The following INF2 variants were observed in gnomAD, a reference collection of about 807,000 sequenced individuals.
The protein encoded by INF2 is inverted formin-2.
A neutral mutation model predicts 123.5 loss-of-function variants in INF2; 43 were observed. The observed-to-expected ratio is 0.35, with a 90% CI of 0.27 to 0.45. The LOEUF (loss-of-function observed/expected upper bound fraction) is 0.45, where lower values mean the gene tolerates loss of function less well. INF2 is among the 20% of genes least tolerant of loss of function. The probability of loss-of-function intolerance (pLI) is 1.00; values close to 1 mark genes in which losing one functional copy is unlikely to be tolerated. For synonymous variants in INF2, 851 were observed against 745.0 expected, an observed-to-expected ratio of 1.14 and a Z score of -2.32; for missense variants, 1,453 against 1,682.7, an observed-to-expected ratio of 0.86 and a Z score of 2.39.
chr14:104,700,415 T>A (rs2140632850), intron 1 of INF2, among the ~76,000 whole-genome samples: 1 of 152,090 alleles, frequency 6.6e-6, no homozygotes. Flanking sequence ...GCCCCCTAGC[T>A]CCCTCCCCGA....
chr14:104,699,139 G>A lies in INF2; in HGVS notation c.-9-2218G>A, dbSNP rs1049220516. On this transcript the variant is annotated intron_variant, in intron 1 of 22. Transcript: ENST00000392634. This position sits in a 1 kb window ranked among gnomAD's most constrained non-coding sequence, Gnocchi z 4.7. ...AGGGACACCCTGGGGCCTGGGGCAC[G>A]GTGGCTCTCGGCGGCACTGCTTGTC... Among the ~76,000 whole-genome samples the A allele has an allele frequency of 5.9e-5, 9 of 152,044 alleles. No individual in the cohort carries two copies. Among genetic ancestry groups the A allele is most frequent in the African/African-American group, 1.7e-4 (7 of 41,386 alleles).
At chr14:104,710,490 C>T (rs1033239010) in intron 13 of INF2, among the ~76,000 whole-genome samples, 11 of 152,088 alleles carry the variant, frequency 7.2e-5, no homozygotes, top group South Asian at 6.2e-4. Context: ...CGTGCACACA[C>T]GCATGCACAC....
At position 104,712,815 on chromosome 14, in the gene INF2, C is replaced by T. The variant is rs1186094882; in HGVS notation, c.2611-13C>T. ...GGGGCTCTCACGGGACTGTCACGTGCCCTTGCCCCCAGGCCAGCATCTCGG... is the reference window on the plus strand; with the variant it reads ...GGGGCTCTCACGGGACTGTCACGTGTCCTTGCCCCCAGGCCAGCATCTCGG... On this transcript the variant is annotated splice_polypyrimidine_tract_variant and intron_variant, in intron 17 of 22. Transcript: ENST00000392634. The T allele has an allele frequency of 1.9e-6, 3 of 1,604,178 alleles. No homozygotes were observed. The South Asian group carries it at 3.3e-5, about 18-fold the overall frequency.
chr14:104,684,177 C>G lies in INF2; in HGVS notation c.-104+2595C>G. 2.2e-6 allele frequency: 1 copy of G among 455,482 alleles called. No homozygotes were observed. The highest frequency in any genetic ancestry group is 4.4e-6 in the Non-Finnish European group (1 of 226,352). The allele number at this position is 455,482 out of a possible 1,614,324, so 28.2% of individuals were successfully genotyped here. A position where few individuals can be genotyped will look rare whatever the true frequency, so the allele number is the denominator to read the frequency against. On this transcript the variant is annotated intron_variant, in intron 1 of 2. Coordinates refer to the INF2 transcript ENST00000674723. The surrounding 1 kb of genome is among the most constrained non-coding windows in gnomAD (Gnocchi z 5.0). ...ACCTGCGTGCCGCCACGGGAAACAG[C>G]ACGCATCCCATCTGGACTCCCACCA...
chr14:104,707,470 G>C lies in INF2; in HGVS notation c.1203G>C (p.Gln401His). ...AAACEPVDHA[Q>H]SESILKVSQP... Reference sequence around the variant, plus strand: ...CCTGCGAGCCCGTGGACCACGCCCAGAGTGAGAGCATCCTGAAAGTTTCGC... The same window carrying C: ...CCTGCGAGCCCGTGGACCACGCCCACAGTGAGAGCATCCTGAAAGTTTCGC... The change falls in exon 8 of 23, where the codon CAG becomes CAC. Residue 401 changes from glutamine (Q) to histidine (H), a missense_variant. By Grantham distance (24) the Gln-to-His change is conservative. Around this residue, in one of 8 missense-constraint regions of INF2, gnomAD observed 374 missense variants for 303.7 expected, o/e 1.23. Transcript: ENST00000392634. The C allele has an allele frequency of 6.4e-7, 1 of 1,553,474 alleles. No homozygotes were observed. The highest frequency in any genetic ancestry group is 1.2e-5 in the South Asian group (1 of 84,348).
rs751949801 is a variant in INF2, at chr14:104,708,521, C to T, written c.1821C>T (p.Ser607=). 1.2e-6 allele frequency: 2 copies of T among 1,612,524 alleles called. No homozygotes were observed. The highest frequency in any genetic ancestry group is 1.1e-5 in the South Asian group (1 of 91,086). ...TCTCCAGCATCGAGCGACTATTCTC[C>T]TTCCCTGCAGCCAAGCCCAAGGAGC... The part of the protein sequence containing the change: ...PDFSSIERLF[S]FPAAKPKEPT... Residue 607 remains serine (S), a synonymous_variant, in exon 9 of 23, where the codon TCC becomes TCT. Transcript: ENST00000392634.
At position 104,699,829 on chromosome 14, in the gene INF2, C is replaced by A. The variant is rs766740763; in HGVS notation, c.-9-1528C>A. On this transcript the variant is annotated intron_variant, in intron 1 of 22. Transcript: ENST00000392634. The surrounding 1 kb of genome is among the most constrained non-coding windows in gnomAD (Gnocchi z 4.7). ...GCAGGATGAGTGACTGGGCCAAGGT[C>A]TGCTGGTGAGGGCCCGGGCTGGGGA... 6.6e-6 allele frequency among the ~76,000 whole-genome samples: 1 copy of A among 152,136 alleles called. No homozygotes were observed. Among genetic ancestry groups the A allele is most frequent in the Non-Finnish European group, 1.5e-5 (1 of 68,008 alleles).
intron 22 of INF2, chr14:104,716,162 G>T: frequency 2.8e-6 from 1 of 355,618 alleles, no homozygotes; most frequent in Non-Finnish European, 5.6e-6. Flanking sequence ...GCGTCTTCCA[G>T]CACCTCCAGC....
At chr14:104,689,199 C>G (rs541109738), upstream of INF2, 10 of 985,374 alleles carry the variant, frequency 1.0e-5, 1 homozygote, top group South Asian at 3.8e-4. Context: ...GCGGGGACTC[C>G]GGATCCGGCT....
rs897894309 is a variant in INF2, at chr14:104,708,524, C to G, written c.1824C>G (p.Phe608Leu). 4 of 1,612,406 alleles carry G rather than the reference C, an allele frequency of 2.5e-6. No homozygotes were observed. The African/African-American group carries it at 5.3e-5, about 22-fold the overall frequency. Residue 608 changes from phenylalanine to leucine, a missense_variant, in exon 9 of 23, where the codon TTC becomes TTG. Phe to Leu is a conservative substitution (Grantham distance 22). This residue lies in a region of INF2 where 192 missense variants were observed against 274.4 expected (regional missense o/e 0.70). Coordinates refer to ENST00000392634, the MANE Select transcript of INF2 (RefSeq NM_022489.4). ...DFSSIERLFS[F>L]PAAKPKEPTM... The stretch of plus-strand genomic sequence containing the variant: ...CCAGCATCGAGCGACTATTCTCCTT[C>G]CCTGCAGCCAAGCCCAAGGAGCCCA...
chr14:104,707,119 G>C (rs1029416680), intron 7 of INF2, 68 bp downstream of exon 7: 277 of 1,518,196 alleles, frequency 1.8e-4, no homozygotes, highest in Admixed American at 3.0e-4. Flanking sequence ...GACCATGGGG[G>C]GGGGAGCCTG....
intron 1 of INF2, among the ~76,000 whole-genome samples, chr14:104,694,717 G>A (rs1889104345): frequency 6.6e-6 from 1 of 152,158 alleles, no homozygotes; most frequent in African/African-American, 2.4e-5. Context: ...GCCGTGCTGG[G>A]TGCGCAGGCT....
chr14:104,707,865 G>T lies in INF2; in HGVS notation c.1598G>T (p.Gly533Val). The change falls in exon 8 of 23, where the codon GGC becomes GTC. Residue 533 changes from glycine (G) to valine (V), a missense_variant. This residue lies in a region of INF2 where 374 missense variants were observed against 303.7 expected (regional missense o/e 1.23). Transcript: ENST00000392634. The stretch of plus-strand genomic sequence containing the variant: ...ACCTGCAGCCCCCCCGTGGCGGGAG[G>T]CATGGAGGAGGTCATCGTGGCCCAG... ...PCTCSPPVAG[G>V]MEEVIVAQVD... 6.2e-7 allele frequency: 1 copy of T among 1,606,456 alleles called. No individual in the cohort carries two copies. Among genetic ancestry groups the T allele is most frequent in the South Asian group, 1.1e-5 (1 of 90,980 alleles).
Position 104,707,730 on chromosome 14 carries a change from C to A in INF2, c.1463C>A (p.Pro488His). The change falls in exon 8 of 23, where the codon CCC becomes CAC. Residue 488 changes from proline to histidine, a missense_variant. Transcript: ENST00000392634. ...PPLPGSCEFL[P>H]PPPPPLPGLG... ...CTGCCAGGCTCCTGTGAGTTCCTGC[C>A]CCCACCACCTCCACCACTCCCGGGC... 3 of 1,336,818 alleles carry A rather than the reference C, an allele frequency of 2.2e-6. No homozygotes were observed. The highest frequency in any genetic ancestry group is 2.1e-6 in the Non-Finnish European group (2 of 966,414). 82.8% of individuals were successfully genotyped at this position (1,336,818 alleles called of 1,614,324 possible).
intron 1 of INF2, among the ~76,000 whole-genome samples, chr14:104,700,623 G>A (rs1889433200): frequency 6.6e-6 from 1 of 152,178 alleles, no homozygotes; most frequent in Non-Finnish European, 1.5e-5. Context: ...TTGGGGAAAG[G>A]CACGTGTTGG....
rs1890444304 is a variant in INF2, at chr14:104,718,911, C to T, written c.*118C>T. 2.0e-6 allele frequency: 3 copies of T among 1,534,724 alleles called. No homozygotes were observed. Among genetic ancestry groups the T allele is most frequent in the East Asian group, 4.6e-5 (2 of 43,582 alleles). On this transcript the variant is annotated 3_prime_UTR_variant, in exon 23 of 23. Transcript: ENST00000392634. ...TGGGACTGGGCCCCGGAAACCAAAA[C>T]TCCGTGCCTTACCCAGCCGGGGCCC...
At chr14:104,704,507 A>G (rs894380581) in intron 5 of INF2, 2 of 184,762 alleles carry the variant, frequency 1.1e-5, no homozygotes, top group Non-Finnish European at 2.3e-5. Context: ...CCTGAGCTGC[A>G]CCTCATGTCA....
At chr14:104,700,665 G>A (rs1390850442) in intron 1 of INF2, among the ~76,000 whole-genome samples, 1 of 152,072 alleles carries the variant, frequency 6.6e-6, no homozygotes, top group Non-Finnish European at 1.5e-5. Context: ...TTACCTACCC[G>A]GGTGTTCCCA....
chr14:104,704,430 G>A (rs988835376), intron 5 of INF2: 26 of 218,902 alleles, frequency 1.2e-4, no homozygotes, highest in South Asian at 8.1e-4. Flanking sequence ...GCCAGGCTGC[G>A]GACCGGTACC....
Sources: allele counts gnomAD v4.1 joint callset (sites outside exome capture counted in the v4.1 genomes callset), GRCh38; gene constraint gnomAD v4.1.1; regional missense constraint gnomAD v4.1.1; non-coding constraint Gnocchi (gnomAD v3.1); transcripts MANE v1.5; gene names NCBI Gene and HGNC (gene_info 2026-07-23, HGNC 2026-07-21).